The following GP6 variants were observed in gnomAD, a reference collection of about 807,000 sequenced individuals.
GP6 encodes glycoprotein VI platelet.
GP6 carries 45 observed loss-of-function variants against 37.3 expected under a neutral mutation model. The ratio of observed to expected loss-of-function variants is 1.21; its 90% CI spans 0.95 to 1.55. The LOEUF (loss-of-function observed/expected upper bound fraction) is 1.55, where lower values mean the gene tolerates loss of function less well. Ranked by LOEUF, GP6 falls within the 40% of genes most tolerant of loss-of-function variation. The pLI is 0.00. For synonymous variants in GP6, 340 were observed against 316.4 expected (o/e 1.07, Z -0.79); for missense variants, 813 against 760.2 (o/e 1.07, Z -0.82).
At chr19:55,017,118 G>A (rs141784988) in intron 6 of GP6, among the ~76,000 whole-genome samples, 3,463 of 110,886 alleles carry the variant, frequency 0.031, 59 homozygotes, top group Non-Finnish European at 0.042. Context: ...AAAGTAAAGC[G>A]ATTTTTTTTT....
In GP6 at chr19:55,029,343, TATATATATATATATATATATATATATATA is replaced by T. The variant is rs1568628468; in HGVS notation, c.326-1510_326-1482del. Among the ~76,000 whole-genome samples the T allele has an allele frequency of 8.6e-3, 25 of 2,914 alleles. 2 individuals carry two copies. Among genetic ancestry groups the T allele is most frequent in the South Asian group, 0.044 (5 of 114 alleles). The allele number at this position is 2,914 out of a possible 152,430, so 1.9% of individuals were successfully genotyped here. ...ATATATATATATATATATATATATATATATATATATATATATATATATATATATATATTTTTTTTTTTTTTTTTTTTTTT... is the reference window on the plus strand; with the variant it reads ...ATATATATATATATATATATATATATTATTTTTTTTTTTTTTTTTTTTTTT... On this transcript the variant is annotated intron_variant, in intron 3 of 7. Transcript: ENST00000310373.
rs760157972 is a variant in GP6, at chr19:55,014,991, A to AGCGGGAGGG, written c.945_953dup (p.Pro316_Ala318dup). On this transcript the variant is annotated inframe_insertion, in exon 8 of 8. Coordinates refer to ENST00000310373, the MANE Select transcript of GP6 (RefSeq NM_001083899.2). ...CTGACCCCCGTTTGATTTCCGGGTC[A>AGCGGGAGGG]GCGGGAGGGGCGGGAGGGGCGGAAG... is the stretch of plus-strand genomic sequence containing the variant. 2.5e-5 allele frequency: 41 copies of AGCGGGAGGG among 1,611,944 alleles called. No individual in the cohort carries two copies. Among genetic ancestry groups the AGCGGGAGGG allele is most frequent in the South Asian group, 1.3e-4 (12 of 90,874 alleles).
intron 6 of GP6, among the ~76,000 whole-genome samples, chr19:55,017,512 G>GTCTCA: frequency 6.6e-6 from 1 of 152,112 alleles, no homozygotes; most frequent in Non-Finnish European, 1.5e-5. Context: ...AGGAATTGAT[G>GTCTCA]CCATGGGGAA....
intron 3 of GP6, among the ~76,000 whole-genome samples, chr19:55,030,108 C>G (rs2074503853): frequency 6.6e-6 from 1 of 152,124 alleles, no homozygotes; most frequent in South Asian, 2.1e-4. Flanking sequence ...CTTTATTCCC[C>G]TGAAAGATTT....
chr19:55,025,000 A>G (rs920491779), intron 5 of GP6, among the ~76,000 whole-genome samples: 1 of 152,188 alleles, frequency 6.6e-6, no homozygotes, highest in African/African-American at 2.4e-5. Flanking sequence ...TATATGTGAT[A>G]AACCATCCAC....
In GP6 at chr19:55,034,097, TAC is replaced by T. The variant is rs1038175242; in HGVS notation, c.35-1561_35-1560del. ...CTATACATACATGTGTATGTACATA[TAC>T]ACGTGTGTACATACACACGTGTATA... On this transcript the variant is annotated intron_variant, in intron 1 of 7. Transcript: ENST00000310373. Among the ~76,000 whole-genome samples the T allele has an allele frequency of 6.9e-3, 1,041 of 151,190 alleles. 14 individuals carry two copies. Among genetic ancestry groups the T allele is most frequent in the African/African-American group, 0.024 (1,005 of 41,302 alleles).
intron 3 of GP6, among the ~76,000 whole-genome samples, chr19:55,028,599 C>T (rs1440928948): frequency 2.0e-5 from 3 of 152,322 alleles, no homozygotes; most frequent in East Asian, 3.9e-4. Context: ...AAAACATCAA[C>T]TTGTACACCT....
Position 55,025,272 on chromosome 19 carries a change from C to T in GP6, c.611-1G>A, listed in dbSNP as rs202143645. On this transcript the variant is annotated splice_acceptor_variant, in intron 4 of 7. Transcript: ENST00000310373. LOFTEE classifies it high-confidence loss of function. ...AACCGGCTGGGGGTCACAGAGGTTCCTGGGAAATCAGAAAATGAGATAAAT... is the reference window on the plus strand; with the variant it reads ...AACCGGCTGGGGGTCACAGAGGTTCTTGGGAAATCAGAAAATGAGATAAAT... 1.1e-5 allele frequency: 17 copies of T among 1,540,530 alleles called. 1 individual carries two copies. The highest frequency in any genetic ancestry group is 2.0e-5 in the Admixed American group (1 of 50,968).
chr19:55,032,144 GCAA>G lies in GP6; in HGVS notation c.317_319del (p.Val106del). ...TCCGATCCCCCTTCCTTTACCCGTG[GCAA>G]CGAGCTCCAGCTGGTCGCTGGGCAG... On this transcript the variant is annotated inframe_deletion, in exon 3 of 8. Coordinates refer to ENST00000310373, the MANE Select transcript of GP6 (RefSeq NM_001083899.2). 6.2e-7 allele frequency: 1 copy of G among 1,613,742 alleles called. No homozygotes were observed. Among genetic ancestry groups the G allele is most frequent in the South Asian group, 1.1e-5 (1 of 91,072 alleles).
At chr19:55,021,009 GC>G (rs2074056395) in intron 5 of GP6, among the ~76,000 whole-genome samples, 1 of 136,458 alleles carries the variant, frequency 7.3e-6, no homozygotes, top group Admixed American at 8.0e-5. Flanking sequence ...CCGAGATCAT[GC>G]CCCTGCAATC....
chr19:55,032,759 A>G (rs1236379643), intron 1 of GP6: 3 of 640,520 alleles, frequency 4.7e-6, no homozygotes, highest in African/African-American at 1.8e-5. Flanking sequence ...AGGTAAATCT[A>G]TAGGAGATGG....
At chr19:55,020,140 A>G (rs983184636) in intron 5 of GP6, among the ~76,000 whole-genome samples, 1 of 150,588 alleles carries the variant, frequency 6.6e-6, no homozygotes, top group Non-Finnish European at 1.5e-5. Context: ...TCTCGGTGGC[A>G]TAATGAGAGT....
Position 55,015,752 on chromosome 19 carries a change from C to T in GP6, c.725-19G>A, listed in dbSNP as rs1297894588. ...GAAGTCTCTGGGAACCAAACAAAGG[C>T]TAAGTGTGAAATGAAACCATATTCC... On this transcript the variant is annotated intron_variant, in intron 6 of 7. Transcript: ENST00000310373. The T allele has an allele frequency of 2.8e-6, 4 of 1,429,688 alleles. No individual in the cohort carries two copies. The highest frequency in any genetic ancestry group is 4.0e-6 in the Non-Finnish European group (4 of 1,010,600). 88.6% of individuals were successfully genotyped at this position (1,429,688 alleles called of 1,614,324 possible).
At chr19:55,017,792 C>T (rs1364147031) in intron 6 of GP6, among the ~76,000 whole-genome samples, 1 of 151,882 alleles carries the variant, frequency 6.6e-6, no homozygotes, top group African/African-American at 2.4e-5. Context: ...TGGGATATGC[C>T]GGGCGCGGTG....
intron 1 of GP6, among the ~76,000 whole-genome samples, chr19:55,036,099 C>T (rs1208516440): frequency 6.7e-6 from 1 of 150,280 alleles, no homozygotes; most frequent in Non-Finnish European, 1.5e-5. Context: ...AAGTCTTTTG[C>T]AGCAACTTGG....
At position 55,014,697 on chromosome 19, in the gene GP6, C is replaced by T. The variant is rs1568586919; in HGVS notation, c.1248G>A (p.Arg416=). The stretch of plus-strand genomic sequence containing the variant: ...GAGGAGGATGGGGTCTCCACAGATT[C>T]CTTCCATCCCAAATGGAGGGTGCCC... The change falls in exon 8 of 8, where the codon AGG becomes AGA. Residue 416 remains arginine, a synonymous_variant. Coordinates refer to ENST00000310373, the MANE Select transcript of GP6 (RefSeq NM_001083899.2). The T allele has an allele frequency of 6.2e-7, 1 of 1,614,012 alleles. No homozygotes were observed. The highest frequency in any genetic ancestry group is 8.5e-7 in the Non-Finnish European group (1 of 1,179,958).
intron 6 of GP6, among the ~76,000 whole-genome samples, chr19:55,017,241 C>G (rs1158922671): frequency 6.6e-6 from 1 of 151,738 alleles, no homozygotes; most frequent in Non-Finnish European, 1.5e-5. Flanking sequence ...CTCAGCCTCC[C>G]AAGTAGCTGG....
intron 2 of GP6, 26 bp from the exon 3 acceptor site, chr19:55,032,422 G>C: frequency 6.2e-7 from 1 of 1,611,380 alleles, no homozygotes; most frequent in East Asian, 2.2e-5. Flanking sequence ...GGCTGGGTCA[G>C]CCTCCCCGCA....
chr19:55,032,137 AC>A lies in GP6; in HGVS notation c.325+1del. On this transcript the variant is annotated splice_donor_variant, in intron 3 of 7. Transcript: ENST00000310373. LOFTEE classifies it high-confidence loss of function. ...CCCAGGCTCCGATCCCCCTTCCTTTACCCGTGGCAACGAGCTCCAGCTGGTC... is the reference window on the plus strand; with the variant it reads ...CCCAGGCTCCGATCCCCCTTCCTTTACCGTGGCAACGAGCTCCAGCTGGTC... The A allele has an allele frequency of 6.2e-7, 1 of 1,613,150 alleles. No individual in the cohort carries two copies. Among genetic ancestry groups the A allele is most frequent in the Admixed American group, 1.7e-5 (1 of 59,968 alleles).
Sources: gnomAD v4.1 joint callset for allele counts (sites outside exome capture counted in the v4.1 genomes callset) on GRCh38, gnomAD v4.1.1 for gene constraint, MANE v1.5 for transcripts, NCBI Gene and HGNC (gene_info 2026-07-23, HGNC 2026-07-21) for gene names.